The following PRELID1 variants were observed in gnomAD, a reference collection of about 807,000 sequenced individuals.
The protein encoded by PRELID1 is PRELI domain containing 1.
A neutral mutation model predicts 29.0 loss-of-function variants in PRELID1; 15 were observed. The observed-to-expected ratio is 0.52, with a 90% CI of 0.35 to 0.80. The LOEUF (loss-of-function observed/expected upper bound fraction) is 0.80, where lower values mean the gene tolerates loss of function less well. PRELID1 is among the 30% of genes least tolerant of loss of function. The pLI is 0.01. For synonymous variants in PRELID1, 79 were observed against 106.5 expected (o/e 0.74, Z 1.59); for missense variants, 187 against 275.9 (o/e 0.68, Z 2.28).
intron 2 of PRELID1, chr5:177,305,569 A>G: frequency 5.5e-6 from 2 of 365,716 alleles, no homozygotes; most frequent in Non-Finnish European, 1.0e-5. Context: ...CGGCTAAAAC[A>G]CTGCATGCGT....
rs1247615986 is a variant in PRELID1, at chr5:177,306,110, G to A, written c.445G>A (p.Ala149Thr). 3 of 1,613,422 alleles carry A rather than the reference G, an allele frequency of 1.9e-6. No individual in the cohort carries two copies. In the East Asian group the frequency reaches 6.7e-5, roughly 36 times the overall value. The part of the protein sequence containing the change: ...VSRAVQEFGL[A>T]RFKSNVTKTM... The stretch of plus-strand genomic sequence containing the variant: ...CATCTCATGCCAGGAATTTGGTCTT[G>A]CCCGATTCAAAAGCAACGTGACCAA... Residue 149 changes from alanine to threonine, a missense_variant, in exon 4 of 5, where the codon GCC becomes ACC. Transcript: ENST00000303204.
chr5:177,305,136 T>A (rs2127298824), intron 2 of PRELID1, among the ~76,000 whole-genome samples: 1 of 152,122 alleles, frequency 6.6e-6, no homozygotes, highest in East Asian at 1.9e-4. Context: ...CCATCTGGCA[T>A]CTATGGCACA....
intron 2 of PRELID1, 87 bp downstream of exon 2, chr5:177,304,937 G>A: frequency 7.6e-7 from 1 of 1,317,084 alleles, no homozygotes; most frequent in Non-Finnish European, 1.0e-6. Context: ...TGGCTAGAGA[G>A]CCATAAGGCA....
At chr5:177,304,119 T>G in intron 1 of PRELID1, 42 bp downstream of exon 1, 1 of 1,560,558 alleles carries the variant, frequency 6.4e-7, no homozygotes, top group Non-Finnish European at 8.8e-7. Context: ...CATCTCGCTA[T>G]CTGGAGATCG....
Position 177,306,841 on chromosome 5 carries a change from G to A in PRELID1, c.*271G>A. On this transcript the variant is annotated 3_prime_UTR_variant, in exon 5 of 5. Coordinates refer to ENST00000303204, the MANE Select transcript of PRELID1 (RefSeq NM_013237.4). ...CAGGTAGCCTGCAGGTTAACTGGCG[G>A]TAAGTGCTAGACTGTAAGCCCGACA... is the stretch of plus-strand genomic sequence containing the variant. 1 of 728,864 alleles carries A rather than the reference G, an allele frequency of 1.4e-6. No individual in the cohort carries two copies. The highest frequency in any genetic ancestry group is 2.2e-6 in the Non-Finnish European group (1 of 455,652). 45.1% of individuals were successfully genotyped at this position (728,864 alleles called of 1,614,324 possible).
Position 177,306,541 on chromosome 5 carries a change from A to C in PRELID1, c.631A>C (p.Lys211Gln), listed in dbSNP as rs1488252458. Reference sequence around the variant, plus strand: ...CCTCGCCAGCAAGGCGGCCACCAAGAAGCAGCAGCAGCAGCAACAGTTTGT... The same window carrying C: ...CCTCGCCAGCAAGGCGGCCACCAAGCAGCAGCAGCAGCAGCAACAGTTTGT... ...KDLASKAATK[K>Q]QQQQQQFV is the part of the protein sequence containing the mutation. The change falls in exon 5 of 5, where the codon AAG (lysine) becomes CAG (glutamine). Residue 211 changes from lysine (K) to glutamine (Q), a missense_variant. Physicochemically the swap from Lys to Gln is moderately conservative, Grantham distance 53 (BLOSUM62 1). Coordinates refer to ENST00000303204, the MANE Select transcript of PRELID1 (RefSeq NM_013237.4). 2.0e-5 allele frequency: 32 copies of C among 1,611,558 alleles called. No homozygotes were observed. Among genetic ancestry groups the C allele is most frequent in the South Asian group, 7.7e-5 (7 of 90,500 alleles).
At chr5:177,304,330 G>A in intron 1 of PRELID1, 1 of 598,956 alleles carries the variant, frequency 1.7e-6, no homozygotes, top group Admixed American at 2.9e-5. Flanking sequence ...ATGGGAGTTG[G>A]GAGGGATCTT....
rs374982564 is a variant in PRELID1, at chr5:177,303,961, T to C, written c.-25T>C. Reference sequence around the variant, plus strand: ...CTCCGCACCCCTGATGCTGCGCGGGTGCTGAGCCCGCTTCGGCCGGGACGA... The same window carrying C: ...CTCCGCACCCCTGATGCTGCGCGGGCGCTGAGCCCGCTTCGGCCGGGACGA... On this transcript the variant is annotated 5_prime_UTR_variant, in exon 1 of 5. Coordinates refer to ENST00000303204, the MANE Select transcript of PRELID1 (RefSeq NM_013237.4). This position sits in a 1 kb window ranked among gnomAD's most constrained non-coding sequence, Gnocchi z 6.1. The C allele has an allele frequency of 1.9e-5, 30 of 1,599,014 alleles. No homozygotes were observed. The African/African-American group carries it at 4.0e-4, about 21-fold the overall frequency.
At position 177,304,658 on chromosome 5, in the gene PRELID1, G is replaced by A; in HGVS notation, c.126G>A (p.Arg42=). The change falls in exon 2 of 5, where the codon CGG becomes CGA. Residue 42 remains arginine (R), a synonymous_variant. Coordinates refer to ENST00000303204, the MANE Select transcript of PRELID1 (RefSeq NM_013237.4). ...KHVLTEDIVH[R]EVTPDQKLLS... is the part of the protein sequence containing the mutation. ...TCTTGACGGAAGACATAGTACACCG[G>A]GAGGTGACCCCTGACCAGAAACTGC... 1.9e-6 allele frequency: 3 copies of A among 1,613,912 alleles called. No individual in the cohort carries two copies. Among genetic ancestry groups the A allele is most frequent in the Non-Finnish European group, 1.7e-6 (2 of 1,179,844 alleles).
chr5:177,306,718 C>T lies in PRELID1; in HGVS notation c.*148C>T. On this transcript the variant is annotated 3_prime_UTR_variant, in exon 5 of 5. Transcript: ENST00000303204. ...GGGATGCAGTTTGGCATCTGCAGTA[C>T]ACCAAGCACATGATTCATGTCTGAG... 3.4e-6 allele frequency: 4 copies of T among 1,187,094 alleles called. No homozygotes were observed. The highest frequency in any genetic ancestry group is 2.5e-5 in the Admixed American group (1 of 39,522). The allele number at this position is 1,187,094 out of a possible 1,614,324, so 73.5% of individuals were successfully genotyped here.
intron 4 of PRELID1, 91 bp downstream of exon 4, chr5:177,306,267 G>A: frequency 6.4e-7 from 1 of 1,561,814 alleles, no homozygotes; most frequent in African/African-American, 1.4e-5. Flanking sequence ...GCCCTGCTCT[G>A]AGCTGGGACT....
chr5:177,304,952 T>C (rs1363319158), intron 2 of PRELID1, 102 bp downstream of exon 2: 2 of 1,195,928 alleles, frequency 1.7e-6, no homozygotes, highest in African/African-American at 3.0e-5. Context: ...AAGGCAGCTT[T>C]TGTGGCCGGA....
At chr5:177,304,292 G>A (rs1760797069) in intron 1 of PRELID1, 1 of 605,466 alleles carries the variant, frequency 1.7e-6, no homozygotes. Context: ...TCTTTTCTCA[G>A]TGTGGTGAGA....
At chr5:177,304,255 G>T in intron 1 of PRELID1, 178 bp downstream of exon 1, 1 of 637,108 alleles carries the variant, frequency 1.6e-6, no homozygotes, top group East Asian at 2.7e-5. Context: ...CCTGGGTGGT[G>T]GTTTACTTGA....
Position 177,304,664 on chromosome 5 carries a change from G to A in PRELID1, c.132G>A (p.Val44=), listed in dbSNP as rs753935337. The A allele has an allele frequency of 6.2e-7, 1 of 1,614,004 alleles. No individual in the cohort carries two copies. The highest frequency in any genetic ancestry group is 8.5e-7 in the Non-Finnish European group (1 of 1,179,916). ...VLTEDIVHRE[V]TPDQKLLSRR... ...CGGAAGACATAGTACACCGGGAGGTGACCCCTGACCAGAAACTGCTGTCCC... is the reference window on the plus strand; with the variant it reads ...CGGAAGACATAGTACACCGGGAGGTAACCCCTGACCAGAAACTGCTGTCCC... Residue 44 remains valine, a synonymous_variant, in exon 2 of 5, where the codon GTG becomes GTA. Transcript: ENST00000303204.
At chr5:177,305,068 A>G (rs1760825802) in intron 2 of PRELID1, among the ~76,000 whole-genome samples, 1 of 152,166 alleles carries the variant, frequency 6.6e-6, no homozygotes, top group South Asian at 2.1e-4. Context: ...TCATTCATAC[A>G]GTGGGGGAGG....
In PRELID1 at chr5:177,306,849, T is replaced by C; in HGVS notation, c.*279T>C. The C allele has an allele frequency of 1.4e-6, 1 of 730,582 alleles. No individual in the cohort carries two copies. Among genetic ancestry groups the C allele is most frequent in the South Asian group, 2.0e-5 (1 of 51,090 alleles). The allele number at this position is 730,582 out of a possible 1,614,324, so 45.3% of individuals were successfully genotyped here. A position where few individuals can be genotyped will look rare whatever the true frequency, so the allele number is the denominator to read the frequency against. Reference sequence around the variant, plus strand: ...CTGCAGGTTAACTGGCGGTAAGTGCTAGACTGTAAGCCCGACAAGGGCAGG... The same window carrying C: ...CTGCAGGTTAACTGGCGGTAAGTGCCAGACTGTAAGCCCGACAAGGGCAGG... On this transcript the variant is annotated 3_prime_UTR_variant, in exon 5 of 5. Coordinates refer to ENST00000303204, the MANE Select transcript of PRELID1 (RefSeq NM_013237.4).
chr5:177,306,939 T>A lies in PRELID1; in HGVS notation c.*369T>A. ...ACATAATAGACACTCAATAAATACTTGTTGAATTCAGTTGGCCCCAGCTCT... is the reference window on the plus strand; with the variant it reads ...ACATAATAGACACTCAATAAATACTAGTTGAATTCAGTTGGCCCCAGCTCT... On this transcript the variant is annotated 3_prime_UTR_variant, in exon 5 of 5. Transcript: ENST00000303204. The A allele has an allele frequency of 1.1e-6, 1 of 897,508 alleles. No individual in the cohort carries two copies. Among genetic ancestry groups the A allele is most frequent in the Non-Finnish European group, 1.7e-6 (1 of 603,948 alleles). The allele number at this position is 897,508 out of a possible 1,614,324, so 55.6% of individuals were successfully genotyped here. A position where few individuals can be genotyped will look rare whatever the true frequency, so the allele number is the denominator to read the frequency against.
intron 2 of PRELID1, among the ~76,000 whole-genome samples, 163 bp downstream of exon 2, chr5:177,305,013 TTTC>T (rs1384824788): frequency 6.6e-6 from 1 of 152,048 alleles, no homozygotes; most frequent in Non-Finnish European, 1.5e-5. Flanking sequence ...GACCTCAGGT[TTTC>T]TTCTTTTCAG....
Sources: gnomAD v4.1 joint callset for allele counts (sites outside exome capture counted in the v4.1 genomes callset) on GRCh38, gnomAD v4.1.1 for gene constraint, Gnocchi (gnomAD v3.1) non-coding constraint, MANE v1.5 for transcripts, NCBI Gene and HGNC (gene_info 2026-07-23, HGNC 2026-07-21) for gene names.